BUD23: variants seen among roughly 807,000 people sequenced by gnomAD.
BUD23 encodes the protein BUD23 rRNA methyltransferase and ribosome maturation factor, also known as 18S rRNA (guanine-N(7))-methyltransferase.
BUD23 carries 34 observed loss-of-function variants against 47.0 expected under a neutral mutation model. That is an observed-to-expected ratio of 0.72 (90% CI 0.55 to 0.96). The LOEUF (loss-of-function observed/expected upper bound fraction) is 0.96, where lower values mean the gene tolerates loss of function less well. Among genes scored for constraint, BUD23 ranks in the 40% least tolerant of loss-of-function variants. BUD23 has a pLI of 0.00. For synonymous variants in BUD23, 124 were observed against 132.0 expected (o/e 0.94, Z 0.41); for missense variants, 343 against 361.2 (o/e 0.95, Z 0.41).
intron 2 of BUD23, 50 bp downstream of exon 2, chr7:73,683,854 A>G (rs372191534): frequency 6.8e-6 from 11 of 1,613,920 alleles, no homozygotes; most frequent in African/African-American, 4.0e-5. Context: ...GGAAGCGGCA[A>G]GTTGCCCCTG....
chr7:73,697,753 A>G, intron 11 of BUD23, 59 bp downstream of exon 11: 1 of 1,610,086 alleles, frequency 6.2e-7, no homozygotes, highest in Admixed American at 1.7e-5. Context: ...ATTGCCATGA[A>G]GAGCTTCCCT....
At chr7:73,691,801 ACC>A in intron 6 of BUD23, among the ~76,000 whole-genome samples, 1 of 151,430 alleles carries the variant, frequency 6.6e-6, no homozygotes, top group Middle Eastern at 3.4e-3. Flanking sequence ...GATGGGGTCT[ACC>A]TATGTTGCCC....
chr7:73,693,723 G>A (rs1798284620), intron 9 of BUD23, 54 bp downstream of exon 9: 1 of 1,607,378 alleles, frequency 6.2e-7, no homozygotes, highest in Non-Finnish European at 8.5e-7. Context: ...TCCAGGCAGT[G>A]GGGCTCAGCC....
intron 2 of BUD23, 106 bp from the exon 3 acceptor site, chr7:73,686,530 T>A: frequency 1.0e-6 from 1 of 974,422 alleles, no homozygotes; most frequent in Non-Finnish European, 1.6e-6. Flanking sequence ...GATCCGTTTT[T>A]TGTTTGTTTT....
At chr7:73,690,186 G>T (rs1798135772) in intron 5 of BUD23, among the ~76,000 whole-genome samples, 1 of 152,082 alleles carries the variant, frequency 6.6e-6, no homozygotes, top group Admixed American at 6.5e-5. Flanking sequence ...TGTATTTTTA[G>T]TAGAGACGGG....
At chr7:73,694,127 C>A in intron 10 of BUD23, 77 bp downstream of exon 10, 13 of 1,476,100 alleles carry the variant, frequency 8.8e-6, no homozygotes, top group South Asian at 1.2e-5. Context: ...TCTCTCTGCC[C>A]TCACCCAAGC....
At position 73,693,354 on chromosome 7, in the gene BUD23, C is replaced by T; in HGVS notation, c.536C>T (p.Thr179Ile). The T allele has an allele frequency of 1.2e-6, 2 of 1,614,148 alleles. No homozygotes were observed. Among genetic ancestry groups the T allele is most frequent in the Non-Finnish European group, 1.7e-6 (2 of 1,179,996 alleles). ...EQLELITTQA[T>I]KAGFSGGMVV... ...TTGGAGCTGATCACAACCCAGGCCA[C>T]AAAGGCAGGCTTCTCCGGTGGCATG... Residue 179 changes from threonine to isoleucine, a missense_variant, in exon 8 of 12, where the codon ACA becomes ATA. By Grantham distance (89) the Thr-to-Ile change is moderately conservative. Coordinates refer to ENST00000265758, the MANE Select transcript of BUD23 (RefSeq NM_017528.5).
chr7:73,683,819 A>C lies in BUD23; in HGVS notation c.86+15A>C, dbSNP rs1253295473. The C allele has an allele frequency of 1.2e-6, 2 of 1,614,132 alleles. No homozygotes were observed. The highest frequency in any genetic ancestry group is 3.3e-5 in the Admixed American group (2 of 60,010). On this transcript the variant is annotated intron_variant, in intron 2 of 11. Coordinates refer to ENST00000265758, the MANE Select transcript of BUD23 (RefSeq NM_017528.5). ...TACGTTCGCAAGTGAGGGGAGCCTG[A>C]ATACTGCGGGGCGTCCGGGGGTCGG... is the stretch of plus-strand genomic sequence containing the variant.
At position 73,694,025 on chromosome 7, in the gene BUD23, A is replaced by G. The variant is rs564275911; in HGVS notation, c.676A>G (p.Arg226Gly). 1.9e-6 allele frequency: 3 copies of G among 1,611,998 alleles called. No individual in the cohort carries two copies. Among genetic ancestry groups the G allele is most frequent in the East Asian group, 4.5e-5 (2 of 44,884 alleles). ...LSENQDEVEP[R>G]ESVFTNERFP... Reference sequence around the variant, plus strand: ...TGAAAATCAGGATGAAGTTGAACCCAGGGAGTCTGTGTTCACCAATGAGAG... The same window carrying G: ...TGAAAATCAGGATGAAGTTGAACCCGGGGAGTCTGTGTTCACCAATGAGAG... The change falls in exon 10 of 12, where the codon AGG becomes GGG. Residue 226 changes from arginine (R) to glycine (G), a missense_variant. Physicochemically the swap from Arg to Gly is moderately radical, Grantham distance 125. Coordinates refer to ENST00000265758, the MANE Select transcript of BUD23 (RefSeq NM_017528.5).
chr7:73,694,193 A>G, intron 10 of BUD23, 143 bp downstream of exon 10: 4 of 872,648 alleles, frequency 4.6e-6, no homozygotes, highest in Non-Finnish European at 5.1e-6. Flanking sequence ...ATCAGGTCCC[A>G]TTTGGACTGT....
chr7:73,693,556 G>C, intron 8 of BUD23, 68 bp from the exon 9 acceptor site: 2 of 1,606,528 alleles, frequency 1.2e-6, no homozygotes, highest in Non-Finnish European at 1.7e-6. Flanking sequence ...GCGGGTGGGG[G>C]AGCTGAGGGC....
intron 2 of BUD23, among the ~76,000 whole-genome samples, chr7:73,684,997 A>C (rs1398170094): frequency 1.4e-5 from 2 of 146,270 alleles, no homozygotes; most frequent in Non-Finnish European, 3.0e-5. Context: ...TCACTGAGAG[A>C]CTAGCCCTAT....
chr7:73,687,238 C>T (rs1005037789), intron 5 of BUD23, 143 bp downstream of exon 5: 1 of 860,446 alleles, frequency 1.2e-6, no homozygotes, highest in Non-Finnish European at 1.8e-6. Context: ...CCTCAGTCTC[C>T]TGAGTAGCTG....
chr7:73,687,020 T>G lies in BUD23; in HGVS notation c.287T>G (p.Ile96Arg). The G allele has an allele frequency of 1.2e-6, 2 of 1,614,172 alleles. No homozygotes were observed. The highest frequency in any genetic ancestry group is 1.1e-5 in the South Asian group (1 of 91,064). ...AMLDEAVDRE[I>R]EGDLLLGDMG... ...GTAGATGAGGCTGTGGACCGAGAGA[T>G]AGAGGGAGACCTGCTGCTGGGGGAT... The change falls in exon 5 of 12, where the codon ATA (isoleucine) becomes AGA (arginine). Residue 96 changes from isoleucine (I) to arginine (R), a missense_variant. Physicochemically the swap from Ile to Arg is moderately conservative, Grantham distance 97. Transcript: ENST00000265758.
At chr7:73,686,420 A>G (rs1335991664) in intron 2 of BUD23, among the ~76,000 whole-genome samples, 3 of 152,238 alleles carry the variant, frequency 2.0e-5, no homozygotes, top group Non-Finnish European at 2.9e-5. Context: ...ACAAAATAAC[A>G]TGGTCCTGAA....
intron 6 of BUD23, 82 bp downstream of exon 6, chr7:73,691,094 T>G: frequency 8.0e-7 from 1 of 1,254,954 alleles, no homozygotes; most frequent in Admixed American, 1.7e-5. Flanking sequence ...AATTGAGGTG[T>G]CCCATGATGG....
intron 2 of BUD23, among the ~76,000 whole-genome samples, chr7:73,684,273 T>G (rs1032616061): frequency 6.6e-6 from 1 of 151,960 alleles, no homozygotes; most frequent in African/African-American, 2.4e-5. Context: ...GGCTCACGCG[T>G]GTAATCTCAG....
chr7:73,683,933 G>T lies in BUD23; in HGVS notation c.86+129G>T, dbSNP rs782755686. The T allele has an allele frequency of 3.2e-6, 5 of 1,579,468 alleles. No individual in the cohort carries two copies. The South Asian group carries it at 3.4e-5, about 11-fold the overall frequency. On this transcript the variant is annotated intron_variant, in intron 2 of 11. Coordinates refer to ENST00000265758, the MANE Select transcript of BUD23 (RefSeq NM_017528.5). ...GAAGGGAAGGACCCGGGTGGGTGCC[G>T]ATTTCTGTCTCTGGTAAATCAACTT...
intron 5 of BUD23, among the ~76,000 whole-genome samples, chr7:73,690,392 TGTGTGTA>T (rs1798144728): frequency 6.6e-6 from 1 of 151,880 alleles, no homozygotes; most frequent in African/African-American, 2.4e-5. Context: ...ATGGGATGGC[TGTGTGTA>T]TGTGAGTAGT....
Sources: gnomAD v4.1 joint callset for allele counts (sites outside exome capture counted in the v4.1 genomes callset) on GRCh38, gnomAD v4.1.1 for gene constraint, MANE v1.5 for transcripts, NCBI Gene and HGNC (gene_info 2026-07-23, HGNC 2026-07-21) for gene names.